The following NRG1 variants were observed in gnomAD, a reference collection of about 807,000 sequenced individuals.
NRG1 encodes the protein pro-neuregulin-1, membrane-bound isoform.
A neutral mutation model predicts 63.8 loss-of-function variants in NRG1; 18 were observed. The observed-to-expected ratio is 0.28, with a 90% CI of 0.19 to 0.42. The LOEUF is 0.42. Among genes scored for constraint, NRG1 ranks in the 10% least tolerant of loss-of-function variants. The pLI is 1.00. For synonymous variants in NRG1, 302 were observed against 301.3 expected (o/e 1.00, Z -0.02); for missense variants, 762 against 814.7 (o/e 0.94, Z 0.79).
At chr8:32,706,753 G>A (rs1222833057) in intron 5 of NRG1, among the ~76,000 whole-genome samples, 1 of 152,048 alleles carries the variant, frequency 6.6e-6, no homozygotes, top group Non-Finnish European at 1.5e-5. Flanking sequence ...AAAAGGAATG[G>A]TAGTTTTCTT....
At chr8:31,873,101 G>A (rs1051801313) in intron 1 of NRG1, among the ~76,000 whole-genome samples, 1 of 152,096 alleles carries the variant, frequency 6.6e-6, no homozygotes, top group African/African-American at 2.4e-5. Context: ...ACATACAGCT[G>A]TAGTTCACCT....
At chr8:32,094,522 G>C (rs1829631458) in intron 1 of NRG1, among the ~76,000 whole-genome samples, 1 of 152,100 alleles carries the variant, frequency 6.6e-6, no homozygotes, top group African/African-American at 2.4e-5. Flanking sequence ...TTTCCTGGTT[G>C]TTTGAATTTA....
chr8:32,395,585 T>C (rs1380598970), intron 1 of NRG1, among the ~76,000 whole-genome samples: 1 of 151,566 alleles, frequency 6.6e-6, no homozygotes, highest in Non-Finnish European at 1.5e-5. Flanking sequence ...TTAGGTTGTT[T>C]GTTTTCTTAT....
At position 32,457,324 on chromosome 8, in the gene NRG1, T is replaced by G. The variant is rs149225138; in HGVS notation, c.38-138504T>G. 3.7e-3 allele frequency among the ~76,000 whole-genome samples: 556 copies of G among 152,290 alleles called. 1 individual carries two copies. Among genetic ancestry groups the G allele is most frequent in the Middle Eastern group, 0.01 (3 of 294 alleles). ...GCAGAACACATGATCCCAGTCCACA[T>G]GAAGGATGGTGTCCAGTCATGTATG... On this transcript the variant is annotated intron_variant, in intron 1 of 10. Transcript: ENST00000519301.
At chr8:32,279,817 C>A (rs1852509081) in intron 1 of NRG1, among the ~76,000 whole-genome samples, 1 of 152,212 alleles carries the variant, frequency 6.6e-6, no homozygotes, top group African/African-American at 2.4e-5. Flanking sequence ...TCTGTTAGGT[C>A]TGAGTCTGCT....
At chr8:32,514,398 A>C (rs952879851) in intron 1 of NRG1, among the ~76,000 whole-genome samples, 36 of 152,110 alleles carry the variant, frequency 2.4e-4, no homozygotes, top group Non-Finnish European at 4.4e-5. Context: ...ATCTTTTCTG[A>C]GATCCAAAGT....
At chr8:31,735,492 A>G (rs992024047) in intron 1 of NRG1, among the ~76,000 whole-genome samples, 1 of 152,090 alleles carries the variant, frequency 6.6e-6, no homozygotes, top group African/African-American at 2.4e-5. Context: ...GTACAATATG[A>G]TTATACATGT....
chr8:32,046,408 C>T (rs763650797), intron 1 of NRG1, among the ~76,000 whole-genome samples: 2 of 152,016 alleles, frequency 1.3e-5, no homozygotes, highest in African/African-American at 4.8e-5. Context: ...GAAAGGTGAA[C>T]AAATGCTTAT....
At chr8:32,173,492 A>G (rs977232076) in intron 1 of NRG1, among the ~76,000 whole-genome samples, 4 of 152,174 alleles carry the variant, frequency 2.6e-5, no homozygotes, top group Non-Finnish European at 5.9e-5. Context: ...ACATAACAAT[A>G]TTAACCTTAA....
At chr8:32,017,255 C>T (rs1563683696) in intron 1 of NRG1, among the ~76,000 whole-genome samples, 1 of 152,190 alleles carries the variant, frequency 6.6e-6, no homozygotes, top group South Asian at 2.1e-4. Context: ...TACATTTAGT[C>T]GTACTCTGTA....
intron 1 of NRG1, among the ~76,000 whole-genome samples, chr8:32,356,966 C>A (rs1806519804): frequency 6.6e-6 from 1 of 152,188 alleles, no homozygotes; most frequent in African/African-American, 2.4e-5. Flanking sequence ...CAGCTGAAAT[C>A]CTATGGATTA....
rs537486263 is a variant in NRG1, at chr8:32,748,801, C to T, written c.692-5571C>T. 1.0e-3 allele frequency: 440 copies of T among 440,612 alleles called. 2 individuals carry two copies. The highest frequency in any genetic ancestry group is 1.8e-3 in the South Asian group (112 of 61,760). The allele number at this position is 440,612 out of a possible 1,614,324, so 27.3% of individuals were successfully genotyped here. On this transcript the variant is annotated intron_variant, in intron 7 of 11. Coordinates refer to ENST00000356819, the Ensembl canonical transcript of NRG1. ...TCCTTACAGTTTGAAAAAAGTGAGGCGTAGAATTGTCCTATGCCATACAGA... is the reference window on the plus strand; with the variant it reads ...TCCTTACAGTTTGAAAAAAGTGAGGTGTAGAATTGTCCTATGCCATACAGA...
At chr8:32,326,154 C>T (rs748487745) in intron 1 of NRG1, among the ~76,000 whole-genome samples, 44 of 151,922 alleles carry the variant, frequency 2.9e-4, no homozygotes, top group African/African-American at 6.0e-4. Flanking sequence ...CGATTACAGG[C>T]GCACGCCACC....
intron 1 of NRG1, among the ~76,000 whole-genome samples, chr8:31,931,123 C>G (rs1834824335): frequency 6.6e-6 from 1 of 152,118 alleles, no homozygotes; most frequent in African/African-American, 2.4e-5. Flanking sequence ...AAACAGTCCT[C>G]TTTTCCCTCC....
In NRG1 at chr8:32,657,445, C is replaced by T. The variant is rs117349814; in HGVS notation, c.502+40560C>T. ...CTGCTCTGAAGCCAGTGTCCTAAAG[C>T]ATCAGAGGTTATAGAGTAGATGGCC... On this transcript the variant is annotated intron_variant, in intron 5 of 11. Transcript: ENST00000356819. Among the ~76,000 whole-genome samples the T allele has an allele frequency of 1.3e-3, 205 of 152,204 alleles. 2 individuals are homozygous for T. In the Middle Eastern group the frequency reaches 0.014, roughly 10 times the overall value.
intron 1 of NRG1, among the ~76,000 whole-genome samples, chr8:32,118,588 T>A (rs892869884): frequency 6.6e-6 from 1 of 152,182 alleles, no homozygotes; most frequent in Non-Finnish European, 1.5e-5. Flanking sequence ...GTACTGATTA[T>A]TTGTTGGGCA....
At chr8:31,726,105 T>G (rs998592022) in intron 1 of NRG1, among the ~76,000 whole-genome samples, 2 of 152,054 alleles carry the variant, frequency 1.3e-5, no homozygotes, top group African/African-American at 2.4e-5. Context: ...CCTAAATTAC[T>G]TTTCCAGGGG....
chr8:32,343,057 A>C (rs182516726), intron 1 of NRG1, among the ~76,000 whole-genome samples: 13 of 152,310 alleles, frequency 8.5e-5, no homozygotes, highest in Admixed American at 2.6e-4. Context: ...ATGCCAAAAC[A>C]GTCTGTTCTA....
chr8:32,048,434 CATATAT>C (rs1177099377), intron 1 of NRG1, among the ~76,000 whole-genome samples: 27 of 73,076 alleles, frequency 3.7e-4, no homozygotes, highest in African/African-American at 1.1e-3. Context: ...CATATGTACA[CATATAT>C]ACATACATAT....
Sources: gnomAD v4.1 joint callset for allele counts (sites outside exome capture counted in the v4.1 genomes callset) on GRCh38, gnomAD v4.1.1 for gene constraint, MANE v1.5 for transcripts, NCBI Gene and HGNC (gene_info 2026-07-23, HGNC 2026-07-21) for gene names.